Variants in RLF observed in about 807,000 individuals in gnomAD.
RLF encodes the protein zinc finger protein Rlf.
In RLF, 7 loss-of-function variants were observed where a neutral mutation model predicts 162.9. The observed-to-expected ratio is 0.04, with a 90% CI of 0.02 to 0.08. RLF has a LOEUF of 0.08. Ranked by LOEUF, RLF falls within the 10% of genes least tolerant of loss-of-function variation. The pLI is 1.00. For missense variants in RLF, 1,664 were observed against 2,244.7 expected (o/e 0.74, Z 5.23); for synonymous variants, 782 against 791.5 (o/e 0.99, Z 0.20).
intron 5 of RLF, among the ~76,000 whole-genome samples, chr1:40,212,164 A>G (rs373152913): frequency 6.6e-6 from 1 of 152,246 alleles, no homozygotes; most frequent in African/African-American, 2.4e-5. Flanking sequence ...AGTACATTGT[A>G]TGTTGGTACC....
chr1:40,183,182 C>CT (rs1393407079), intron 1 of RLF, among the ~76,000 whole-genome samples: 12 of 152,194 alleles, frequency 7.9e-5, no homozygotes, highest in Non-Finnish European at 1.3e-4. Flanking sequence ...GTGCTGCCCT[C>CT]TCCTGGAAGT....
intron 5 of RLF, among the ~76,000 whole-genome samples, chr1:40,210,466 C>T (rs1642851357): frequency 6.6e-6 from 1 of 151,968 alleles, no homozygotes; most frequent in Non-Finnish European, 1.5e-5. Flanking sequence ...GAATAAATAC[C>T]CTGCTTAGGG....
chr1:40,213,567 A>C (rs1183037106), intron 5 of RLF, among the ~76,000 whole-genome samples: 2 of 152,220 alleles, frequency 1.3e-5, no homozygotes, highest in East Asian at 3.8e-4. Context: ...AAGCTAACAG[A>C]TGATTTTCCC....
intron 4 of RLF, among the ~76,000 whole-genome samples, chr1:40,198,252 A>G (rs1292458191): frequency 6.7e-6 from 1 of 148,222 alleles, no homozygotes; most frequent in African/African-American, 2.5e-5. Context: ...ATCTGCCCTC[A>G]GCTTCCCAAA....
At chr1:40,208,783 C>A (rs1175704588) in intron 5 of RLF, among the ~76,000 whole-genome samples, 2 of 152,176 alleles carry the variant, frequency 1.3e-5, no homozygotes, top group African/African-American at 4.8e-5. Flanking sequence ...CACCACTGCA[C>A]TGCAGCCTAG....
At chr1:40,185,770 G>A (rs1642468897) in intron 1 of RLF, among the ~76,000 whole-genome samples, 1 of 135,160 alleles carries the variant, frequency 7.4e-6, no homozygotes, top group Non-Finnish European at 1.6e-5. Context: ...GGAGCTTGCA[G>A]TGAGCCAAGA....
chr1:40,231,984 G>A (rs564410706), intron 7 of RLF, among the ~76,000 whole-genome samples: 53 of 152,256 alleles, frequency 3.5e-4, no homozygotes, highest in Admixed American at 3.2e-3. Context: ...AAGGCGGGTG[G>A]ATTACTTGAG....
rs962918831 is a variant in RLF at position 40,238,302 on chromosome 1, C to G, written c.3600C>G (p.Asp1200Glu). Residue 1200 changes from aspartate (D) to glutamate (E), a missense_variant, in exon 8 of 8, where the codon GAC becomes GAG. Physicochemically the swap from Asp to Glu is conservative, Grantham distance 45. Coordinates refer to ENST00000372771, the MANE Select transcript of RLF (RefSeq NM_012421.4). This position sits in a 1 kb window ranked among gnomAD's most constrained non-coding sequence, Gnocchi z 5.2. ...AAAATAAACATCAAATTGGCAGTGA[C>G]AGAGCAACTCACAAACTATTAGATA... Reference protein sequence around the residue: ...HYKNKHQIGSDRATHKLLDNE... With the variant: ...HYKNKHQIGSERATHKLLDNE... 3 of 1,614,036 alleles carry G rather than the reference C, an allele frequency of 1.9e-6. No homozygotes were observed. The highest frequency in any genetic ancestry group is 1.1e-5 in the South Asian group (1 of 91,082).
chr1:40,233,706 G>A (rs1313131598), intron 7 of RLF, among the ~76,000 whole-genome samples: 1 of 152,164 alleles, frequency 6.6e-6, no homozygotes, highest in Non-Finnish European at 1.5e-5. Flanking sequence ...GCTGATACAG[G>A]CTAGGTAATG....
At chr1:40,204,094 G>A (rs1033329772) in intron 5 of RLF, among the ~76,000 whole-genome samples, 10 of 148,130 alleles carry the variant, frequency 6.8e-5, no homozygotes, top group Admixed American at 5.4e-4. Context: ...GTGTAGTGGC[G>A]CGATCTTTGC....
chr1:40,189,142 G>A lies in RLF; in HGVS notation c.325G>A (p.Ala109Thr). 6.2e-7 allele frequency: 1 copy of A among 1,613,724 alleles called. No individual in the cohort carries two copies. The highest frequency in any genetic ancestry group is 2.2e-5 in the East Asian group (1 of 44,860). The change falls in exon 2 of 8, where the codon GCC becomes ACC. Residue 109 changes from alanine (A) to threonine (T), a missense_variant. Physicochemically the swap from Ala to Thr is moderately conservative, Grantham distance 58. Around this residue, in one of 15 missense-constraint regions of RLF, gnomAD observed 287 missense variants for 404.9 expected, o/e 0.71. Transcript: ENST00000372771. ...EVYRLAIQSF[A>T]SARPYLTTEC... ...ATATCGACTTGCCATCCAAAGCTTT[G>A]CCAGTGCACGTCCATACTTAACTAC...
In RLF at chr1:40,237,452, A is replaced by T. The variant is rs1478382340; in HGVS notation, c.2750A>T (p.Asp917Val). The change falls in exon 8 of 8, where the codon GAT becomes GTT. Residue 917 changes from aspartate to valine, a missense_variant. Physicochemically the swap from Asp to Val is radical, Grantham distance 152. Around this residue, in one of 15 missense-constraint regions of RLF, gnomAD observed 295 missense variants for 317.4 expected, o/e 0.93. Coordinates refer to ENST00000372771, the MANE Select transcript of RLF (RefSeq NM_012421.4). The surrounding 1 kb of genome is among the most constrained non-coding windows in gnomAD (Gnocchi z 4.4). ...AATGAAGAGCTAATTGACACACTAG[A>T]TCACTCTGAAACTATGCAGGATGTA... ...SMNEELIDTL[D>V]HSETMQDVLL... 4.3e-6 allele frequency: 7 copies of T among 1,614,012 alleles called. No individual in the cohort carries two copies. The highest frequency in any genetic ancestry group is 2.2e-5 in the South Asian group (2 of 91,080).
At chr1:40,213,271 T>C (rs1178657187) in intron 5 of RLF, among the ~76,000 whole-genome samples, 1 of 152,182 alleles carries the variant, frequency 6.6e-6, no homozygotes, top group African/African-American at 2.4e-5. Context: ...CTTACTTTCA[T>C]GGGTTATGTG....
Position 40,236,577 on chromosome 1 carries a change from A to G in RLF, c.1875A>G (p.Gln625=), listed in dbSNP as rs150530599. Residue 625 remains glutamine, a synonymous_variant, in exon 8 of 8, where the codon CAA becomes CAG. Transcript: ENST00000372771. The surrounding 1 kb of genome is among the most constrained non-coding windows in gnomAD (Gnocchi z 7.7). ...SKKKLLLKGS[Q]KGICPKSPSA... is the part of the protein sequence containing the mutation. ...AGAAATTACTGTTAAAAGGCTCTCAAAAGGGTATTTGTCCTAAGAGCCCCT... is the reference window on the plus strand; with the variant it reads ...AGAAATTACTGTTAAAAGGCTCTCAGAAGGGTATTTGTCCTAAGAGCCCCT... 1 of 1,614,166 alleles carries G rather than the reference A, an allele frequency of 6.2e-7. No homozygotes were observed. Among genetic ancestry groups the G allele is most frequent in the Non-Finnish European group, 8.5e-7 (1 of 1,180,020 alleles).
At chr1:40,186,072 C>T (rs1158916682) in intron 1 of RLF, among the ~76,000 whole-genome samples, 1 of 151,942 alleles carries the variant, frequency 6.6e-6, no homozygotes, top group Non-Finnish European at 1.5e-5. Context: ...TGAAAGGATC[C>T]ACTTGAATCT....
In RLF at chr1:40,189,198, C is replaced by G; in HGVS notation, c.381C>G (p.Gly127=). 6.2e-7 allele frequency: 1 copy of G among 1,611,238 alleles called. No homozygotes were observed. Among genetic ancestry groups the G allele is most frequent in the Non-Finnish European group, 8.5e-7 (1 of 1,178,774 alleles). The change falls in exon 2 of 8, where the codon GGC becomes GGG. Residue 127 remains glycine, a synonymous_variant. Transcript: ENST00000372771. ...TECEDVLLVL[G]RLVLSCFELL... ...GTGAAGATGTCCTCTTAGTGCTTGG[C>G]AGATTAGTACTGTAAGTTTGAGAAC...
intron 6 of RLF, among the ~76,000 whole-genome samples, chr1:40,227,623 A>G (rs1420269442): frequency 6.6e-6 from 1 of 152,170 alleles, no homozygotes; most frequent in African/African-American, 2.4e-5. Flanking sequence ...ATTTTTGATC[A>G]TGCTTATTTG....
At chr1:40,211,085 A>G (rs1471695446) in intron 5 of RLF, among the ~76,000 whole-genome samples, 4 of 152,340 alleles carry the variant, frequency 2.6e-5, no homozygotes, top group South Asian at 4.1e-4. Flanking sequence ...CTTTTGTGCT[A>G]CAGTGGCAGA....
At chr1:40,174,436 T>G (rs1642287939) in intron 1 of RLF, among the ~76,000 whole-genome samples, 1 of 152,146 alleles carries the variant, frequency 6.6e-6, no homozygotes, top group South Asian at 2.1e-4. Flanking sequence ...TATATGACCT[T>G]GGGGCAAGTC....
Sources: gnomAD v4.1 joint callset for allele counts (sites outside exome capture counted in the v4.1 genomes callset) on GRCh38, gnomAD v4.1.1 for gene constraint, gnomAD v4.1.1 regional missense constraint, Gnocchi (gnomAD v3.1) non-coding constraint, MANE v1.5 for transcripts, NCBI Gene and HGNC (gene_info 2026-07-23, HGNC 2026-07-21) for gene names.